The following SENP7 variants were observed in gnomAD, a reference collection of about 807,000 sequenced individuals.
SENP7 encodes the protein sentrin-specific protease 7.
In SENP7, 64 loss-of-function variants were observed where a neutral mutation model predicts 141.2. The ratio of observed to expected loss-of-function variants is 0.45; its 90% CI spans 0.37 to 0.56. The LOEUF (loss-of-function observed/expected upper bound fraction) is 0.56, where lower values mean the gene tolerates loss of function less well. Among genes scored for constraint, SENP7 ranks in the 20% least tolerant of loss-of-function variants. The pLI, the probability that SENP7 is intolerant of heterozygous loss-of-function variation, is 0.00. For missense variants in SENP7, 1,025 were observed against 1,212.2 expected (o/e 0.85, Z 2.29); for synonymous variants, 382 against 426.4 (o/e 0.90, Z 1.28).
chr3:101,481,654 C>T (rs1357478609), intron 3 of SENP7, among the ~76,000 whole-genome samples: 1 of 152,162 alleles, frequency 6.6e-6, no homozygotes, highest in Non-Finnish European at 1.5e-5. Context: ...TTGAAATGTT[C>T]TCAATACATA....
At chr3:101,357,697 T>C (rs2059781576) in intron 11 of SENP7, 2 of 709,050 alleles carry the variant, frequency 2.8e-6, no homozygotes, top group African/African-American at 1.8e-5. Flanking sequence ...GTGATAAATA[T>C]GTGAAAGTCT....
chr3:101,347,552 C>G (rs940793403), intron 13 of SENP7: 4 of 157,548 alleles, frequency 2.5e-5, no homozygotes, highest in African/African-American at 9.6e-5. Context: ...GAAACCCCGT[C>G]TCTACTAAAA....
At chr3:101,380,439 C>CA (rs1559744992) in intron 6 of SENP7, among the ~76,000 whole-genome samples, 1 of 102,390 alleles carries the variant, frequency 9.8e-6, no homozygotes, top group Admixed American at 1.3e-4. Flanking sequence ...ACCACCGCCC[C>CA]CCCCCCCACA....
chr3:101,486,393 G>A (rs923524878), intron 3 of SENP7, among the ~76,000 whole-genome samples: 3 of 152,194 alleles, frequency 2.0e-5, no homozygotes, highest in South Asian at 2.1e-4. Flanking sequence ...AAACCTATCA[G>A]ATTAACAGTG....
chr3:101,437,233 G>A (rs1056303222), intron 4 of SENP7, among the ~76,000 whole-genome samples: 4 of 152,214 alleles, frequency 2.6e-5, no homozygotes, highest in African/African-American at 9.7e-5. Flanking sequence ...AAGAGAACTA[G>A]TGGGCTGAGG....
intron 6 of SENP7, among the ~76,000 whole-genome samples, chr3:101,376,693 G>A (rs1353818585): frequency 2.0e-5 from 3 of 152,006 alleles, no homozygotes; most frequent in Non-Finnish European, 2.9e-5. Context: ...TAAATGACGA[G>A]TTAATGGGTG....
Position 101,446,066 on chromosome 3 carries a change from T to A in SENP7, c.284+12889A>T, listed in dbSNP as rs570351687. ...TGATTGGTTCGTGGGGGAGAATGTC[T>A]CCCTTGATGTTCTCCTAATAGTGAG... On this transcript the variant is annotated intron_variant, in intron 4 of 23. Coordinates refer to ENST00000394095, the MANE Select transcript of SENP7 (RefSeq NM_020654.5). Among the ~76,000 whole-genome samples, 10 of 152,264 alleles carry A rather than the reference T, an allele frequency of 6.6e-5. No homozygotes were observed. The South Asian group carries it at 2.1e-3, about 32-fold the overall frequency.
chr3:101,484,928 G>A (rs2064664014), intron 3 of SENP7, among the ~76,000 whole-genome samples: 1 of 152,062 alleles, frequency 6.6e-6, no homozygotes. Context: ...GAGCACAGTG[G>A]GACAGAGACC....
chr3:101,328,845 T>G (rs1219538505), intron 20 of SENP7, among the ~76,000 whole-genome samples, 156 bp from the exon 21 acceptor site: 5 of 152,166 alleles, frequency 3.3e-5, no homozygotes, highest in African/African-American at 1.2e-4. Context: ...TTCCACAAAT[T>G]TATTATACTG....
intron 3 of SENP7, among the ~76,000 whole-genome samples, chr3:101,465,450 A>C (rs1292996129): frequency 3.3e-5 from 5 of 152,220 alleles, no homozygotes; most frequent in Non-Finnish European, 5.9e-5. Context: ...CTTAAGGAAC[A>C]GCCCACCTGG....
At chr3:101,378,275 T>A (rs1205983506) in intron 6 of SENP7, among the ~76,000 whole-genome samples, 1 of 152,048 alleles carries the variant, frequency 6.6e-6, no homozygotes, top group Non-Finnish European at 1.5e-5. Flanking sequence ...ATTATCAGAT[T>A]AGGAATTTAA....
chr3:101,383,449 T>A (rs972580814), intron 6 of SENP7, among the ~76,000 whole-genome samples: 3 of 152,168 alleles, frequency 2.0e-5, no homozygotes, highest in African/African-American at 7.2e-5. Context: ...GAGTCCTGCC[T>A]TCCCCAGCAC....
intron 3 of SENP7, among the ~76,000 whole-genome samples, chr3:101,488,322 G>T (rs182312999): frequency 5.9e-5 from 9 of 152,178 alleles, no homozygotes; most frequent in Admixed American, 3.9e-4. Context: ...TATCCTGAAA[G>T]GTTGCTAAAG....
chr3:101,339,967 T>G (rs1480047150), intron 16 of SENP7, 128 bp downstream of exon 16: 1 of 1,237,796 alleles, frequency 8.1e-7, no homozygotes, highest in Non-Finnish European at 1.1e-6. Flanking sequence ...AAGCAAAAAT[T>G]TTCCAAATCT....
intron 9 of SENP7, among the ~76,000 whole-genome samples, chr3:101,365,323 G>T (rs2060007321): frequency 6.6e-6 from 1 of 151,600 alleles, no homozygotes; most frequent in Non-Finnish European, 1.5e-5. Flanking sequence ...TTTTAAATGT[G>T]TAACAATCAC....
intron 4 of SENP7, among the ~76,000 whole-genome samples, chr3:101,425,885 T>C (rs2061942751): frequency 6.6e-6 from 1 of 152,134 alleles, no homozygotes; most frequent in Non-Finnish European, 1.5e-5. Context: ...AATAGCAGAA[T>C]AGACCAAGTG....
intron 4 of SENP7, chr3:101,457,170 A>G: frequency 9.1e-7 from 1 of 1,099,492 alleles, no homozygotes; most frequent in South Asian, 1.3e-5. Context: ...AAATTCTTAA[A>G]AAGTAGTCAT....
chr3:101,485,124 A>G (rs1356547481), intron 3 of SENP7, among the ~76,000 whole-genome samples: 1 of 151,928 alleles, frequency 6.6e-6, no homozygotes, highest in Non-Finnish European at 1.5e-5. Context: ...GTAGAATCTG[A>G]GCTCAGACAC....
intron 5 of SENP7, among the ~76,000 whole-genome samples, chr3:101,399,842 T>C (rs115396246): frequency 8.7e-4 from 133 of 152,280 alleles, no homozygotes; most frequent in Non-Finnish European, 1.5e-3. Context: ...TCCAGGCTGG[T>C]TTCAAACTCC....
Sources: gnomAD v4.1 joint callset for allele counts (sites outside exome capture counted in the v4.1 genomes callset) on GRCh38, gnomAD v4.1.1 for gene constraint, MANE v1.5 for transcripts, NCBI Gene and HGNC (gene_info 2026-07-23, HGNC 2026-07-21) for gene names.